The following PLSCR2 variants were observed in gnomAD, a reference collection of about 807,000 sequenced individuals.
PLSCR2 encodes the protein PL scramblase 2.
PLSCR2 carries 18 observed loss-of-function variants against 25.3 expected under a neutral mutation model. The observed-to-expected ratio is 0.71, with a 90% CI of 0.49 to 1.06. PLSCR2 has a LOEUF of 1.06. Among genes scored for constraint, PLSCR2 ranks in the 50% least tolerant of loss-of-function variants. The pLI, the probability that PLSCR2 is intolerant of heterozygous loss-of-function variation, is 0.00. For missense variants in PLSCR2, 243 were observed against 269.5 expected (o/e 0.90, Z 0.69); for synonymous variants, 88 against 87.3 (o/e 1.01, Z -0.04).
chr3:146,441,647 C>A, downstream of PLSCR2: 1 of 587,326 alleles, frequency 1.7e-6, no homozygotes, highest in Non-Finnish European at 3.0e-6. Context: ...AGCATCATAG[C>A]TTAACTCACA....
At position 146,489,979 on chromosome 3, in the gene PLSCR2, G is replaced by A. The variant is rs936680799; in HGVS notation, c.-293+5916C>T. ...ATGCAAGGCACATTTACCCCATTCC[G>A]GGTCTCCAAAACCTCAACACATTAC... On this transcript the variant is annotated intron_variant, in intron 1 of 8. Transcript: ENST00000336685. Among the ~76,000 whole-genome samples the A allele has an allele frequency of 7.2e-5, 11 of 151,926 alleles. 1 individual carries two copies. The highest frequency in any genetic ancestry group is 4.2e-4 in the South Asian group (2 of 4,818).
At chr3:146,481,026 T>A (rs910279961) in intron 1 of PLSCR2, among the ~76,000 whole-genome samples, 6 of 152,120 alleles carry the variant, frequency 3.9e-5, no homozygotes, top group African/African-American at 9.7e-5. Context: ...TTCAAAAAAT[T>A]CAACAGCTCC....
intron 2 of PLSCR2, among the ~76,000 whole-genome samples, chr3:146,412,861 G>A (rs2038902170): frequency 6.6e-6 from 1 of 152,094 alleles, no homozygotes; most frequent in Non-Finnish European, 1.5e-5. Context: ...GTAGTTTGGT[G>A]GGAAGGATGG....
chr3:146,423,533 C>T (rs2039232700), intron 2 of PLSCR2, among the ~76,000 whole-genome samples: 1 of 143,924 alleles, frequency 6.9e-6, no homozygotes, highest in Non-Finnish European at 1.5e-5. Context: ...ATTCAAGCTT[C>T]ACCCTTAAAA....
At chr3:146,396,359 C>T (rs897288610) in intron 2 of PLSCR2, among the ~76,000 whole-genome samples, 1 of 151,964 alleles carries the variant, frequency 6.6e-6, no homozygotes, top group Non-Finnish European at 1.5e-5. Context: ...CCTAGAGCAT[C>T]ATTTCTCATA....
intron 2 of PLSCR2, among the ~76,000 whole-genome samples, chr3:146,413,651 T>G (rs1031792716): frequency 2.6e-5 from 4 of 152,228 alleles, no homozygotes; most frequent in Non-Finnish European, 5.9e-5. Context: ...TTCATTTATA[T>G]CTACAACTCA....
At chr3:146,461,882 T>C, upstream of PLSCR2, 1 of 1,431,252 alleles carries the variant, frequency 7.0e-7, no homozygotes, top group Non-Finnish European at 9.5e-7. Context: ...ATATATATCT[T>C]GCGAAGTTTT....
intron 2 of PLSCR2, among the ~76,000 whole-genome samples, chr3:146,411,707 G>A (rs1037354193): frequency 6.6e-6 from 1 of 152,200 alleles, no homozygotes; most frequent in Non-Finnish European, 1.5e-5. Context: ...AATTCTCTCG[G>A]CCCCGAAGAA....
At chr3:146,429,107 G>T (rs1317602061), downstream of PLSCR2, among the ~76,000 whole-genome samples, 1 of 152,186 alleles carries the variant, frequency 6.6e-6, no homozygotes, top group Admixed American at 6.5e-5. Flanking sequence ...AATTTATAAA[G>T]AAAAGAGGTT....
chr3:146,392,470 C>A (rs1352645664), intron 3 of PLSCR2, among the ~76,000 whole-genome samples: 2 of 151,738 alleles, frequency 1.3e-5, no homozygotes, highest in East Asian at 3.9e-4. Context: ...TTTTTATTCC[C>A]TCTTTGATAG....
chr3:146,441,559 T>C (rs2040243495), downstream of PLSCR2, among the ~76,000 whole-genome samples: 1 of 151,846 alleles, frequency 6.6e-6, no homozygotes, highest in East Asian at 1.9e-4. Flanking sequence ...TAATAAAGTA[T>C]ATAAAACATT....
chr3:146,491,085 C>A (rs1032777943), intron 1 of PLSCR2, among the ~76,000 whole-genome samples: 22 of 152,052 alleles, frequency 1.4e-4, no homozygotes, highest in African/African-American at 5.1e-4. Flanking sequence ...AAAAAGATAT[C>A]ATTTCTTCTT....
At chr3:146,414,026 C>T (rs892355346) in intron 2 of PLSCR2, among the ~76,000 whole-genome samples, 2 of 152,142 alleles carry the variant, frequency 1.3e-5, no homozygotes, top group African/African-American at 4.8e-5. Flanking sequence ...GGGCTGGCAC[C>T]TTGTGAGAGC....
chr3:146,483,509 A>ACATGTGTATAT (rs1553791539), intron 1 of PLSCR2, among the ~76,000 whole-genome samples: 1 of 127,072 alleles, frequency 7.9e-6, no homozygotes, highest in Non-Finnish European at 1.7e-5. Context: ...ATATATATAT[A>ACATGTGTATAT]ATGTTACTAC....
At chr3:146,470,214 AC>A (rs1219623221) in intron 1 of PLSCR2, among the ~76,000 whole-genome samples, 1 of 152,016 alleles carries the variant, frequency 6.6e-6, no homozygotes, top group Non-Finnish European at 1.5e-5. Context: ...CAACTGGCAC[AC>A]CCTCATGCAA....
At chr3:146,460,149 A>G in intron 1 of PLSCR2, 66 bp from the exon 2 acceptor site, 1 of 1,383,732 alleles carries the variant, frequency 7.2e-7, no homozygotes, top group Non-Finnish European at 9.6e-7. Flanking sequence ...TTTTAGAATA[A>G]CCCCAGTTAT....
chr3:146,453,868 T>G, intron 5 of PLSCR2, 134 bp downstream of exon 5: 2 of 628,472 alleles, frequency 3.2e-6, no homozygotes, highest in South Asian at 7.4e-5. Context: ...CTGACCAAAG[T>G]TAAATATATG....
In PLSCR2 at chr3:146,469,244, G is replaced by C. The variant is rs946295479; in HGVS notation, c.-292-8960C>G. On this transcript the variant is annotated intron_variant, in intron 1 of 8. Coordinates refer to the PLSCR2 transcript ENST00000336685. ...AAAGCAGTGTAGCTAAGGGGAAGCT[G>C]AGCCCCGCAAGGCGTTTTCAGGCAG... The C allele has an allele frequency of 7.1e-6, 7 of 985,508 alleles. No homozygotes were observed. The African/African-American group carries it at 1.2e-4, about 17-fold the overall frequency. 61.0% of individuals were successfully genotyped at this position (985,508 alleles called of 1,614,324 possible).
At chr3:146,394,025 A>G (rs553620813) in intron 3 of PLSCR2, among the ~76,000 whole-genome samples, 5 of 152,176 alleles carry the variant, frequency 3.3e-5, no homozygotes, top group African/African-American at 9.6e-5. Context: ...CAGGTCTAGA[A>G]TTATTACATC....
Sources: allele counts gnomAD v4.1 joint callset (sites outside exome capture counted in the v4.1 genomes callset), GRCh38; gene constraint gnomAD v4.1.1; transcripts MANE v1.5; gene names NCBI Gene and HGNC (gene_info 2026-07-23, HGNC 2026-07-21).